The following MTCL2 variants were observed in gnomAD, a reference collection of about 807,000 sequenced individuals.
MTCL2 encodes microtubule crosslinking factor 2, also known as microtubule cross-linking factor 2.
At chr20:36,793,320 T>C in the MTCL2 span, 1 of 1,551,806 alleles carries the variant, frequency 6.4e-7, no homozygotes, top group South Asian at 1.2e-5. The surrounding 1 kb of genome is among the most constrained non-coding windows in gnomAD (Gnocchi z 6.8). Flanking sequence ...GGGAGCATGG[T>C]GAGTCTGACC....
the MTCL2 span, among the ~76,000 whole-genome samples, chr20:36,830,555 G>A: frequency 1.3e-5 from 2 of 152,144 alleles, no homozygotes; most frequent in African/African-American, 2.4e-5. Context: ...GCAACAGAGC[G>A]AGACCCTGTC....
At chr20:36,814,965 G>C in the MTCL2 span, among the ~76,000 whole-genome samples, 8 of 152,278 alleles carry the variant, frequency 5.3e-5, no homozygotes, top group Admixed American at 6.5e-5. Context: ...GGAGAGTGAG[G>C]GGGGGAGAAT....
At chr20:36,857,477 G>A in the MTCL2 span, among the ~76,000 whole-genome samples, 3 of 152,180 alleles carry the variant, frequency 2.0e-5, no homozygotes, top group Admixed American at 2.0e-4. Flanking sequence ...TCTGTGAGAT[G>A]TGTGCAAGTG....
the MTCL2 span, chr20:36,797,712 G>A: frequency 1.4e-6 from 1 of 733,230 alleles, no homozygotes; most frequent in Non-Finnish European, 2.3e-6. Flanking sequence ...CTTCTCAGTG[G>A]GTAGCAGCTC....
At chr20:36,821,139 G>T in the MTCL2 span, among the ~76,000 whole-genome samples, 3 of 152,244 alleles carry the variant, frequency 2.0e-5, no homozygotes, top group Non-Finnish European at 4.4e-5. Context: ...ACTGCAGCTT[G>T]TCCTTGGAGG....
chr20:36,806,054 T>G, the MTCL2 span: 1 of 935,850 alleles, frequency 1.1e-6, no homozygotes, highest in East Asian at 2.7e-5. Context: ...CACGGCTGGA[T>G]AGTCAGGCCC....
chr20:36,823,613 C>T, the MTCL2 span, among the ~76,000 whole-genome samples: 1 of 152,118 alleles, frequency 6.6e-6, no homozygotes, highest in Non-Finnish European at 1.5e-5. Flanking sequence ...TTGAGACCAG[C>T]CTGGGCAACA....
the MTCL2 span, among the ~76,000 whole-genome samples, chr20:36,845,913 A>T: frequency 6.6e-6 from 1 of 152,216 alleles, no homozygotes; most frequent in East Asian, 1.9e-4. Context: ...AGTGGTTCTG[A>T]AGAGCCTCTC....
the MTCL2 span, among the ~76,000 whole-genome samples, chr20:36,835,550 C>G: frequency 1.3e-5 from 2 of 152,166 alleles, no homozygotes; most frequent in Non-Finnish European, 2.9e-5. Flanking sequence ...AGCGCCCGCC[C>G]CCTCCCCACT....
the MTCL2 span, chr20:36,859,904 T>G: frequency 8.1e-7 from 1 of 1,231,120 alleles, no homozygotes; most frequent in Non-Finnish European, 1.0e-6. Flanking sequence ...CTCCAAGCCC[T>G]GGCAGCCTAG....
chr20:36,809,915 AG>A, the MTCL2 span: 1 of 1,537,420 alleles, frequency 6.5e-7, no homozygotes, highest in Non-Finnish European at 8.8e-7. Context: ...TAGATCCTCA[AG>A]GCCTCTGCTT....
chr20:36,829,928 G>T, the MTCL2 span, among the ~76,000 whole-genome samples: 1 of 152,078 alleles, frequency 6.6e-6, no homozygotes, highest in African/African-American at 2.4e-5. Flanking sequence ...GAACCAGGGA[G>T]GCAGAGGCTG....
chr20:36,816,497 G>A, the MTCL2 span, among the ~76,000 whole-genome samples: 708 of 152,080 alleles, frequency 4.7e-3, 3 homozygotes, highest in African/African-American at 0.016. Flanking sequence ...AGGATGGGGC[G>A]CCACACATAG....
chr20:36,808,461 T>C, the MTCL2 span: 1 of 1,485,390 alleles, frequency 6.7e-7, no homozygotes, highest in Non-Finnish European at 9.2e-7. Flanking sequence ...CCCTTCCCTG[T>C]CCCTCTCTCC....
At chr20:36,834,718 C>T in the MTCL2 span, among the ~76,000 whole-genome samples, 1 of 152,100 alleles carries the variant, frequency 6.6e-6, no homozygotes, top group Non-Finnish European at 1.5e-5. Context: ...AAACCACAAC[C>T]AGACCAGGCA....
chr20:36,817,556 C>T, the MTCL2 span: 3 of 1,365,014 alleles, frequency 2.2e-6, no homozygotes, highest in Non-Finnish European at 3.0e-6. Flanking sequence ...TGTCACAGTG[C>T]CCAGGGTCCA....
At chr20:36,789,468 C>G in the MTCL2 span, among the ~76,000 whole-genome samples, 2 of 152,040 alleles carry the variant, frequency 1.3e-5, no homozygotes, top group African/African-American at 4.8e-5. Context: ...TCGAGACCAG[C>G]CTGGCCAACA....
At chr20:36,803,144 A>G in the MTCL2 span, 2 of 1,566,186 alleles carry the variant, frequency 1.3e-6, no homozygotes, top group African/African-American at 2.7e-5. Context: ...TGGCAGCAGG[A>G]GGCCACTCCT....
chr20:36,825,971 T>C, the MTCL2 span, among the ~76,000 whole-genome samples: 2 of 151,644 alleles, frequency 1.3e-5, no homozygotes, highest in Admixed American at 6.6e-5. Flanking sequence ...TTACCTCTTT[T>C]AAAAATTTCA....
Sources: gnomAD v4.1 joint callset for allele counts (sites outside exome capture counted in the v4.1 genomes callset) on GRCh38, gnomAD v4.1.1 for gene constraint, Gnocchi (gnomAD v3.1) non-coding constraint, MANE v1.5 for transcripts, NCBI Gene and HGNC (gene_info 2026-07-23, HGNC 2026-07-21) for gene names.